The following LIMK2 variants were observed in gnomAD, a reference collection of about 807,000 sequenced individuals.
LIMK2 encodes the protein LIM domain kinase 2.
In LIMK2, 35 loss-of-function variants were observed where a neutral mutation model predicts 75.7. That is an observed-to-expected ratio of 0.46 (90% confidence interval 0.35 to 0.61). The LOEUF (loss-of-function observed/expected upper bound fraction) is 0.61. Ranked by LOEUF, LIMK2 falls within the 20% of genes least tolerant of loss-of-function variation. LIMK2 has a pLI of 0.00. For synonymous variants in LIMK2, 301 were observed against 319.2 expected, an observed-to-expected ratio of 0.94 and a Z score of 0.61; for missense variants, 623 against 831.0, an observed-to-expected ratio of 0.75 and a Z score of 3.08.
chr22:31,262,845 G>A lies in LIMK2; in HGVS notation c.854+54G>A. On this transcript the variant is annotated intron_variant, in intron 7 of 15. Transcript: ENST00000331728. This position sits in a 1 kb window ranked among gnomAD's most constrained non-coding sequence, Gnocchi z 5.0. ...GTCCTATGTCTGTCTCTCGGATGAA[G>A]CTGAGCTGGCTTTCAGAAGCCTGCA... The A allele has an allele frequency of 1.4e-6, 2 of 1,423,422 alleles. No homozygotes were observed. The highest frequency in any genetic ancestry group is 2.9e-5 in the South Asian group (2 of 70,032). The allele number at this position is 1,423,422 out of a possible 1,614,324, so 88.2% of individuals were successfully genotyped here.
chr22:31,260,466 T>C lies in LIMK2; in HGVS notation c.551+389T>C, dbSNP rs564422699. Among the ~76,000 whole-genome samples, 22 of 152,324 alleles carry C rather than the reference T, an allele frequency of 1.4e-4. 1 individual carries two copies. In the South Asian group the frequency reaches 4.6e-3, roughly 32 times the overall value. ...CCAGGGCTTGGAAGAGTACCTGGCA[T>C]ATAGTAGGAGTTGATTGATTATTAT... On this transcript the variant is annotated intron_variant, in intron 5 of 15. Transcript: ENST00000331728.
chr22:31,252,605 T>C (rs2048736325), intron 2 of LIMK2, among the ~76,000 whole-genome samples: 1 of 151,852 alleles, frequency 6.6e-6, no homozygotes, highest in Non-Finnish European at 1.5e-5. Flanking sequence ...TTTAGGACCT[T>C]TCTTTTTCAC....
chr22:31,261,484 T>C (rs2048838253), intron 5 of LIMK2, among the ~76,000 whole-genome samples: 1 of 150,558 alleles, frequency 6.6e-6, no homozygotes, highest in Non-Finnish European at 1.5e-5. Flanking sequence ...AGGCGGAGCT[T>C]GCTGTGAGCA....
chr22:31,267,162 G>A, intron 9 of LIMK2, 92 bp downstream of exon 9: 1 of 725,588 alleles, frequency 1.4e-6, no homozygotes, highest in Non-Finnish European at 2.3e-6. Flanking sequence ...ATACAGTTTG[G>A]AATTACTGTC....
chr22:31,267,999 C>T lies in LIMK2; in HGVS notation c.1260+92C>T, dbSNP rs2073856. 39,015 of 1,547,026 alleles carry T rather than the reference C, an allele frequency of 0.025. 4,745 individuals carry two copies. The East Asian group carries it at 0.41, about 16-fold the overall frequency. On this transcript the variant is annotated intron_variant, in intron 10 of 15. Transcript: ENST00000331728. ...CCTAGGAGCTTAAAGGGCAGAGGGG[C>T]CCTGCTTTGCCTCCAAAGGACCATG...
intron 2 of LIMK2, among the ~76,000 whole-genome samples, chr22:31,246,187 A>ACG (rs2048668275): frequency 7.7e-6 from 1 of 129,384 alleles, no homozygotes; most frequent in Non-Finnish European, 1.5e-5. Flanking sequence ...ACGCACGCAC[A>ACG]CACACACACA....
Position 31,276,895 on chromosome 22 carries a change from A to C in LIMK2, c.1773-1402A>C, listed in dbSNP as rs1268934886. 6.2e-7 allele frequency: 1 copy of C among 1,612,944 alleles called. No individual in the cohort carries two copies. The highest frequency in any genetic ancestry group is 8.5e-7 in the Non-Finnish European group (1 of 1,179,792). On this transcript the variant is annotated intron_variant, in intron 15 of 15. Coordinates refer to ENST00000331728, the MANE Select transcript of LIMK2 (RefSeq NM_005569.4). Reference sequence around the variant, plus strand: ...CAAGTATGACCCCAAGGAGCTACGGAAGCACCTCAACCTAGAGGAGTGGAT... The same window carrying C: ...CAAGTATGACCCCAAGGAGCTACGGCAGCACCTCAACCTAGAGGAGTGGAT...
chr22:31,225,636 C>A, intron 1 of LIMK2, 84 bp from the exon 2 acceptor site: 1 of 974,802 alleles, frequency 1.0e-6, no homozygotes. Flanking sequence ...ATGCTGTTAA[C>A]TCAGTCTTAT....
At chr22:31,232,742 A>G (rs571829522) in intron 2 of LIMK2, among the ~76,000 whole-genome samples, 1 of 152,168 alleles carries the variant, frequency 6.6e-6, no homozygotes, top group South Asian at 2.1e-4. Context: ...GACTACAGGC[A>G]CACACTACCA....
At chr22:31,264,173 A>T (rs1366089568) in intron 7 of LIMK2, among the ~76,000 whole-genome samples, 1 of 152,158 alleles carries the variant, frequency 6.6e-6, no homozygotes, top group Admixed American at 6.5e-5. Flanking sequence ...AACAGAGGGC[A>T]GGGAAGAGCT....
intron 5 of LIMK2, among the ~76,000 whole-genome samples, chr22:31,261,215 C>G (rs1398668754): frequency 6.6e-6 from 1 of 152,130 alleles, no homozygotes; most frequent in Non-Finnish European, 1.5e-5. Flanking sequence ...AATGCCAGCA[C>G]TTTGGGAGGC....
intron 15 of LIMK2, 58 bp downstream of exon 15, chr22:31,275,366 T>A: frequency 4.5e-6 from 7 of 1,572,606 alleles, no homozygotes; most frequent in Non-Finnish European, 6.1e-6. Context: ...TGCCTCTGTC[T>A]AAGGCCACCC....
chr22:31,271,485 C>T (rs1275207414), intron 12 of LIMK2, among the ~76,000 whole-genome samples: 1 of 152,140 alleles, frequency 6.6e-6, no homozygotes, highest in Non-Finnish European at 1.5e-5. Flanking sequence ...TGTCATTTTA[C>T]CTGCTTTTGC....
chr22:31,222,202 C>A (rs912336974), intron 1 of LIMK2, among the ~76,000 whole-genome samples: 1 of 151,718 alleles, frequency 6.6e-6, no homozygotes, highest in Non-Finnish European at 1.5e-5. Flanking sequence ...TCCTGAGTAG[C>A]TGGGATTACA....
chr22:31,213,817 C>CTTTTTTTTTTTTTTTTTTTTTTT (rs71689139), intron 1 of LIMK2, among the ~76,000 whole-genome samples: 1 of 145,334 alleles, frequency 6.9e-6, no homozygotes. Context: ...TTTCCAGTAA[C>CTTTTTTTTTTTTTTTTTTTTTTT]TTTTTTTTTT....
At chr22:31,273,309 G>C in intron 13 of LIMK2, 143 bp from the exon 14 acceptor site, 1 of 711,764 alleles carries the variant, frequency 1.4e-6, no homozygotes. Flanking sequence ...TTCAGGTGGT[G>C]TCTGCGCAGG....
chr22:31,219,640 C>T (rs1374662886), intron 1 of LIMK2, among the ~76,000 whole-genome samples: 2 of 152,106 alleles, frequency 1.3e-5, no homozygotes, highest in Non-Finnish European at 2.9e-5. Flanking sequence ...GGCACGATCT[C>T]GGCTCACTGC....
chr22:31,246,599 G>C (rs964026991), intron 2 of LIMK2, among the ~76,000 whole-genome samples: 5 of 151,684 alleles, frequency 3.3e-5, no homozygotes, highest in Non-Finnish European at 7.4e-5. Flanking sequence ...TTGAAACTCA[G>C]CCTCACAGCT....
chr22:31,267,062 C>A lies in LIMK2; in HGVS notation c.1120C>A (p.Leu374Met). 6.2e-7 allele frequency: 1 copy of A among 1,601,802 alleles called. No homozygotes were observed. Among genetic ancestry groups the A allele is most frequent in the South Asian group, 1.1e-5 (1 of 89,648 alleles). ...RCDEETQKTFLTEVKVMRSLD... is the reference protein window; with the variant it reads ...RCDEETQKTFMTEVKVMRSLD... ...TGATGAGGAGACCCAGAAAACTTTT[C>A]TGACTGAGGTAAGAAGATGGAGGGG... is the stretch of plus-strand genomic sequence containing the variant. The change falls in exon 9 of 16, where the codon CTG becomes ATG. Residue 374 changes from leucine (L) to methionine (M), a missense_variant. Physicochemically the swap from Leu to Met is conservative, Grantham distance 15 (BLOSUM62 2). Coordinates refer to ENST00000331728, the MANE Select transcript of LIMK2 (RefSeq NM_005569.4).
Sources: gnomAD v4.1 joint callset for allele counts (sites outside exome capture counted in the v4.1 genomes callset) on GRCh38, gnomAD v4.1.1 for gene constraint, Gnocchi (gnomAD v3.1) non-coding constraint, MANE v1.5 for transcripts, NCBI Gene and HGNC (gene_info 2026-07-23, HGNC 2026-07-21) for gene names.